Variants in ADGRD1 observed in about 807,000 individuals in gnomAD.
ADGRD1 encodes G-protein coupled receptor 133.
In ADGRD1, 77 loss-of-function variants were observed where a neutral mutation model predicts 113.4. That is an observed-to-expected ratio of 0.68 (90% CI 0.57 to 0.82). The LOEUF (loss-of-function observed/expected upper bound fraction) is 0.82, where lower values mean the gene tolerates loss of function less well. Ranked by LOEUF, ADGRD1 falls within the 40% of genes least tolerant of loss-of-function variation. ADGRD1 has a pLI of 0.00. For synonymous variants in ADGRD1, 474 were observed against 475.0 expected (o/e 1.00, Z 0.03); for missense variants, 1,036 against 1,139.1 (o/e 0.91, Z 1.30).
chr12:131,086,921 T>C (rs1015486878), intron 15 of ADGRD1, among the ~76,000 whole-genome samples: 3 of 152,202 alleles, frequency 2.0e-5, no homozygotes, highest in African/African-American at 7.2e-5. Context: ...AAATTAATTT[T>C]TAGAGACAGG....
At chr12:131,086,880 C>T (rs200320273) in intron 15 of ADGRD1, among the ~76,000 whole-genome samples, 3 of 151,696 alleles carry the variant, frequency 2.0e-5, no homozygotes, top group African/African-American at 7.2e-5. Flanking sequence ...GAGAGATGTC[C>T]AAGCCATATT....
chr12:131,034,268 C>T (rs1881141678), intron 13 of ADGRD1, among the ~76,000 whole-genome samples: 1 of 152,214 alleles, frequency 6.6e-6, no homozygotes, highest in Non-Finnish European at 1.5e-5. Context: ...TGCGCCACAT[C>T]AAGTGCATTC....
At chr12:131,066,435 C>T (rs373343730) in intron 13 of ADGRD1, among the ~76,000 whole-genome samples, 2 of 152,266 alleles carry the variant, frequency 1.3e-5, no homozygotes, top group Admixed American at 6.5e-5. Flanking sequence ...CCGTTCACTC[C>T]CAGCAGGGAT....
intron 24 of ADGRD1, 71 bp from the exon 25 acceptor site, chr12:131,139,097 C>T (rs556435611): frequency 7.6e-5 from 91 of 1,192,014 alleles, no homozygotes; most frequent in South Asian, 5.9e-4. Context: ...CAATGCTCCC[C>T]GCACTCACTG....
chr12:130,971,481 A>C lies in ADGRD1; in HGVS notation c.211A>C (p.Lys71Gln). 1 of 1,613,652 alleles carries C rather than the reference A, an allele frequency of 6.2e-7. No homozygotes were observed. The highest frequency in any genetic ancestry group is 1.3e-5 in the African/African-American group (1 of 75,040). ...AGATATTGTGGAAGGGAAGGTCAAC[A>C]AAGGCATTTACCTGAAAGAGGAAAA... ...TGDIVEGKVN[K>Q]GIYLKEEKGV... Residue 71 changes from lysine (K) to glutamine (Q), a missense_variant, in exon 4 of 25, where the codon AAA (lysine) becomes CAA (glutamine). Coordinates refer to ENST00000261654, the MANE Select transcript of ADGRD1 (RefSeq NM_198827.5). This position sits in a 1 kb window ranked among gnomAD's most constrained non-coding sequence, Gnocchi z 4.2.
At chr12:131,072,214 C>T (rs561399557) in intron 13 of ADGRD1, among the ~76,000 whole-genome samples, 13 of 152,070 alleles carry the variant, frequency 8.5e-5, no homozygotes, top group Non-Finnish European at 1.0e-4. Flanking sequence ...CCTGAGGTTT[C>T]GCAGAGGAGA....
chr12:131,028,987 G>A (rs928402691), intron 13 of ADGRD1, among the ~76,000 whole-genome samples: 6 of 152,206 alleles, frequency 3.9e-5, no homozygotes, highest in African/African-American at 1.4e-4. Context: ...CGGCAGTGCC[G>A]CCTCTCCCAC....
chr12:131,110,264 T>C (rs1285818511), intron 18 of ADGRD1, among the ~76,000 whole-genome samples: 9 of 152,198 alleles, frequency 5.9e-5, no homozygotes, highest in Admixed American at 5.9e-4. Context: ...CTACTATCTG[T>C]TTTGTTTCTC....
intron 13 of ADGRD1, chr12:131,030,667 GC>G (rs1396149796): frequency 1.3e-5 from 2 of 152,264 alleles, no homozygotes; most frequent in African/African-American, 2.4e-5. Context: ...GGGAATAGTA[GC>G]CTGCCCACCT....
intron 2 of ADGRD1, among the ~76,000 whole-genome samples, chr12:130,955,160 T>G (rs1021154111): frequency 6.9e-5 from 10 of 144,060 alleles, no homozygotes; most frequent in Non-Finnish European, 1.5e-4. Context: ...AGACAGGGTT[T>G]CACTATGTTG....
chr12:131,040,836 TCAGC>T (rs1414413268), intron 13 of ADGRD1, among the ~76,000 whole-genome samples: 2 of 152,228 alleles, frequency 1.3e-5, no homozygotes, highest in African/African-American at 4.8e-5. Context: ...TTTGCACCAC[TCAGC>T]CTGCAGGTGA....
chr12:131,131,622 T>C, intron 20 of ADGRD1, 103 bp from the exon 21 acceptor site: 1 of 748,636 alleles, frequency 1.3e-6, no homozygotes, highest in South Asian at 1.6e-5. Context: ...GAGCCCTGGC[T>C]GGGCAGGGGT....
At chr12:131,081,845 A>G (rs566401971) in intron 14 of ADGRD1, among the ~76,000 whole-genome samples, 3 of 152,306 alleles carry the variant, frequency 2.0e-5, no homozygotes, top group East Asian at 3.9e-4. Context: ...TTACCATTTG[A>G]AAAAGTATTC....
chr12:130,961,657 T>C (rs1870371942), intron 2 of ADGRD1, among the ~76,000 whole-genome samples: 1 of 152,146 alleles, frequency 6.6e-6, no homozygotes, highest in Non-Finnish European at 1.5e-5. Context: ...AGTGCCTTTT[T>C]CCCGAAAGAA....
intron 13 of ADGRD1, among the ~76,000 whole-genome samples, chr12:131,032,354 C>T (rs1880871187): frequency 6.6e-6 from 1 of 151,548 alleles, no homozygotes; most frequent in Non-Finnish European, 1.5e-5. Flanking sequence ...CGAATCATCT[C>T]ACGGGTTCTG....
chr12:131,088,836 T>C lies in ADGRD1; in HGVS notation c.1671+4173T>C, dbSNP rs529617953. Among the ~76,000 whole-genome samples the C allele has an allele frequency of 1.6e-4, 24 of 152,318 alleles. No individual in the cohort carries two copies. The South Asian group carries it at 4.6e-3, about 29-fold the overall frequency. The stretch of plus-strand genomic sequence containing the variant: ...GATCTGTTTCTCCCACGAAATCTTC[T>C]GACTGTTAGAGGTGTCGTCAGTTAT... On this transcript the variant is annotated intron_variant, in intron 15 of 24. Coordinates refer to ENST00000261654, the MANE Select transcript of ADGRD1 (RefSeq NM_198827.5).
At chr12:131,127,883 G>T (rs1455124028) in intron 20 of ADGRD1, among the ~76,000 whole-genome samples, 1 of 108,466 alleles carries the variant, frequency 9.2e-6, no homozygotes, top group Admixed American at 8.3e-5. Flanking sequence ...GTTGTGATGG[G>T]ACCCTGAGCT....
At chr12:130,968,527 C>T (rs1022677371) in intron 3 of ADGRD1, 7 of 160,844 alleles carry the variant, frequency 4.4e-5, no homozygotes, top group East Asian at 3.7e-4. Flanking sequence ...CGTTTGTTGC[C>T]GAACTCTCCG....
intron 8 of ADGRD1, among the ~76,000 whole-genome samples, chr12:130,998,048 A>C (rs930013533): frequency 1.3e-5 from 2 of 152,168 alleles, no homozygotes; most frequent in African/African-American, 4.8e-5. Context: ...CCAAAAAAAA[A>C]CGAAAACCAG....
Sources: gnomAD v4.1 joint callset for allele counts (sites outside exome capture counted in the v4.1 genomes callset) on GRCh38, gnomAD v4.1.1 for gene constraint, Gnocchi (gnomAD v3.1) non-coding constraint, MANE v1.5 for transcripts, NCBI Gene and HGNC (gene_info 2026-07-23, HGNC 2026-07-21) for gene names.